HEBP1: variants seen among roughly 807,000 people sequenced by gnomAD.
HEBP1 encodes the protein heme binding protein 1, also known as heme-binding protein 1.
HEBP1 carries 13 observed loss-of-function variants against 20.4 expected under a neutral mutation model. That is an observed-to-expected ratio of 0.64 (90% confidence interval 0.42 to 1.01). The LOEUF (loss-of-function observed/expected upper bound fraction) is 1.01. Ranked by LOEUF, HEBP1 falls within the 50% of genes least tolerant of loss-of-function variation. The probability of loss-of-function intolerance (pLI) is 0.00; values close to 1 mark genes in which losing one functional copy is unlikely to be tolerated. For missense variants in HEBP1, 241 were observed against 247.3 expected (o/e 0.97, Z 0.17); for synonymous variants, 92 against 90.7 (o/e 1.01, Z -0.08).
At chr12:12,997,810 C>A (rs375125685) in intron 1 of HEBP1, among the ~76,000 whole-genome samples, 25 of 152,208 alleles carry the variant, frequency 1.6e-4, no homozygotes, top group African/African-American at 5.8e-4. Context: ...CATTCCATGA[C>A]AAAAGCAAGA....
chr12:12,990,337 TA>T (rs201452028), intron 1 of HEBP1, among the ~76,000 whole-genome samples: 21 of 106,356 alleles, frequency 2.0e-4, no homozygotes, highest in East Asian at 1.4e-3. Flanking sequence ...CCCTGCTAAT[TA>T]AAAAAAAAAA....
chr12:12,980,050 C>T (rs898027467), intron 3 of HEBP1: 1 of 152,206 alleles, frequency 6.6e-6, no homozygotes, highest in African/African-American at 2.4e-5. Context: ...TGAGCTTGAC[C>T]ATTCAACTTC....
chr12:12,989,148 G>A, intron 2 of HEBP1, 129 bp downstream of exon 2: 1 of 951,118 alleles, frequency 1.1e-6, no homozygotes, highest in Non-Finnish European at 1.6e-6. Context: ...CAGTGCAGGA[G>A]GTTCACAGGT....
At chr12:12,983,528 G>T (rs1864113140) in intron 3 of HEBP1, 1 of 350,360 alleles carries the variant, frequency 2.9e-6, no homozygotes, top group Non-Finnish European at 5.7e-6. Flanking sequence ...TTTTGCATTT[G>T]AAGTAGTACA....
chr12:12,996,051 C>T lies in HEBP1; in HGVS notation c.78+3986G>A, dbSNP rs1395135808. Among the ~76,000 whole-genome samples, 1 of 152,210 alleles carries T rather than the reference C, an allele frequency of 6.6e-6. No individual in the cohort carries two copies. The highest frequency in any genetic ancestry group is 1.5e-5 in the Non-Finnish European group (1 of 68,042). On this transcript the variant is annotated intron_variant, in intron 1 of 3. Transcript: ENST00000014930. The surrounding 1 kb of genome is among the most constrained non-coding windows in gnomAD (Gnocchi z 4.1). ...TGCTAATGTTGGAAACCTGCTTTCT[C>T]ATTACAAGAAAATACTGATCATAAC...
intron 3 of HEBP1, among the ~76,000 whole-genome samples, chr12:12,981,705 A>G (rs1407964792): frequency 6.6e-6 from 1 of 152,178 alleles, no homozygotes; most frequent in East Asian, 1.9e-4. Context: ...TAGACACCTA[A>G]AATAGTTCCT....
At chr12:12,980,395 C>T (rs1270097537) in intron 3 of HEBP1, 6 of 152,186 alleles carry the variant, frequency 3.9e-5, no homozygotes, top group African/African-American at 1.4e-4. Flanking sequence ...GTGGAAGGTA[C>T]ATCCAGAATG....
intron 1 of HEBP1, among the ~76,000 whole-genome samples, chr12:12,995,799 C>A (rs777830310): frequency 6.6e-6 from 1 of 152,198 alleles, no homozygotes; most frequent in Non-Finnish European, 1.5e-5. Context: ...ACATGGAACA[C>A]AATAGTAGCC....
chr12:13,000,212 GGC>G lies in HEBP1; in HGVS notation c.-100_-99del. On this transcript the variant is annotated 5_prime_UTR_variant, in exon 1 of 4. Transcript: ENST00000014930. ...ACCACCGGCGGCAGGGCGGCAGGGC[GGC>G]AGGGCGGCAGGGCGGCAGGGTGGCA... 2.6e-6 allele frequency: 1 copy of G among 390,490 alleles called. No individual in the cohort carries two copies. The highest frequency in any genetic ancestry group is 6.3e-5 in the South Asian group (1 of 15,774). The allele number at this position is 390,490 out of a possible 1,614,324, so 24.2% of individuals were successfully genotyped here. A position where few individuals can be genotyped will look rare whatever the true frequency, so the allele number is the denominator to read the frequency against.
intron 3 of HEBP1, among the ~76,000 whole-genome samples, chr12:12,977,760 CTTTT>C (rs1565490235): frequency 1.3e-5 from 2 of 152,066 alleles, no homozygotes. Flanking sequence ...TTCTTTCTTT[CTTTT>C]TTAACAGCAC....
chr12:12,983,544 C>T, intron 3 of HEBP1: 4 of 363,078 alleles, frequency 1.1e-5, no homozygotes, highest in Middle Eastern at 3.8e-4. Context: ...GTACATTTGC[C>T]TTCTACCATC....
chr12:12,987,851 C>T (rs1345529493), intron 2 of HEBP1, among the ~76,000 whole-genome samples: 1 of 152,132 alleles, frequency 6.6e-6, no homozygotes, highest in East Asian at 1.9e-4. Context: ...TGGCCAGGCT[C>T]GTCTTAAACT....
intron 1 of HEBP1, among the ~76,000 whole-genome samples, chr12:12,992,353 G>A (rs996004392): frequency 6.6e-6 from 1 of 152,148 alleles, no homozygotes. Context: ...ACAGGCGAAC[G>A]CCACCACTCC....
At chr12:12,976,621 T>C (rs1863992001) in intron 3 of HEBP1, among the ~76,000 whole-genome samples, 1 of 152,240 alleles carries the variant, frequency 6.6e-6, no homozygotes, top group Non-Finnish European at 1.5e-5. Context: ...GCATTCAGCA[T>C]GTGGATTGCA....
rs377171510 is a variant in HEBP1 at position 12,987,176 on chromosome 12, C to T, written c.374G>A (p.Arg125Gln). Residue 125 changes from arginine (R) to glutamine (Q), a missense_variant, in exon 3 of 4, where the codon CGG becomes CAG. Arg to Gln is a conservative substitution (Grantham distance 43). Coordinates refer to ENST00000014930, the MANE Select transcript of HEBP1 (RefSeq NM_015987.5). ...PSDKSVKIEE[R>Q]EGITVYSMQF... ...CATGGAATAGACAGTGATGCCTTCC[C>T]GTTCCTCAATCTTAACGCTTTTGTC... The T allele has an allele frequency of 2.8e-5, 45 of 1,613,894 alleles. No individual in the cohort carries two copies. The highest frequency in any genetic ancestry group is 3.3e-5 in the Non-Finnish European group (39 of 1,179,942).
At chr12:12,983,710 C>T (rs1173149754) in intron 3 of HEBP1, 3 of 455,892 alleles carry the variant, frequency 6.6e-6, no homozygotes, top group African/African-American at 6.0e-5. Flanking sequence ...TGGAGCCAGG[C>T]TAGACACCAC....
At chr12:12,984,012 T>A (rs1240018871) in intron 3 of HEBP1, 1 of 275,032 alleles carries the variant, frequency 3.6e-6, no homozygotes, top group African/African-American at 2.2e-5. Flanking sequence ...TCAATAAGAA[T>A]AATATCTGTA....
In HEBP1 at chr12:12,975,326, G is replaced by T; in HGVS notation, c.552C>A (p.Ile184=). ...PMKPYGRRNE[I]WLLKT is the part of the protein sequence containing the mutation. The stretch of plus-strand genomic sequence containing the variant: ...GGGTCACTCATGTCTTCAACAGCCA[G>T]ATCTCATTGCGCCGTCCGTAGGGCT... Residue 184 remains isoleucine, a synonymous_variant, in exon 4 of 4, where the codon ATC becomes ATA. Coordinates refer to ENST00000014930, the MANE Select transcript of HEBP1 (RefSeq NM_015987.5). 6.2e-7 allele frequency: 1 copy of T among 1,613,994 alleles called. No homozygotes were observed. The highest frequency in any genetic ancestry group is 8.5e-7 in the Non-Finnish European group (1 of 1,179,956).
chr12:12,997,695 G>C (rs561951453), intron 1 of HEBP1, among the ~76,000 whole-genome samples: 1 of 152,222 alleles, frequency 6.6e-6, no homozygotes, highest in Non-Finnish European at 1.5e-5. Context: ...AGCAGAGCAG[G>C]GAATGGGTGA....
Sources: gnomAD v4.1 joint callset for allele counts (sites outside exome capture counted in the v4.1 genomes callset) on GRCh38, gnomAD v4.1.1 for gene constraint, Gnocchi (gnomAD v3.1) non-coding constraint, MANE v1.5 for transcripts, NCBI Gene and HGNC (gene_info 2026-07-23, HGNC 2026-07-21) for gene names.